The following FIRRM variants were observed in gnomAD, a reference collection of about 807,000 sequenced individuals.
FIRRM encodes the protein FIGNL1-interacting regulator of recombination and mitosis.
At chr1:169,841,725 C>T in the FIRRM span, among the ~76,000 whole-genome samples, 1 of 152,014 alleles carries the variant, frequency 6.6e-6, no homozygotes, top group Non-Finnish European at 1.5e-5. Context: ...AATCTAGTAA[C>T]CTATAAAGAT....
At chr1:169,831,625 GCTTT>G in the FIRRM span, among the ~76,000 whole-genome samples, 1 of 152,070 alleles carries the variant, frequency 6.6e-6, no homozygotes, top group Non-Finnish European at 1.5e-5. Flanking sequence ...TTAAATAAAA[GCTTT>G]CTTAGTGCAT....
At chr1:169,842,374 A>C in the FIRRM span, 1 of 1,592,554 alleles carries the variant, frequency 6.3e-7, no homozygotes, top group African/African-American at 1.4e-5. Flanking sequence ...GGTGCTTTAG[A>C]CTGGTGTTTA....
At chr1:169,842,105 G>A in the FIRRM span, among the ~76,000 whole-genome samples, 1 of 151,528 alleles carries the variant, frequency 6.6e-6, no homozygotes, top group Non-Finnish European at 1.5e-5. Flanking sequence ...GAACCTGGGA[G>A]TTGGAGGTTG....
At chr1:169,810,569 G>A in the FIRRM span, among the ~76,000 whole-genome samples, 1 of 151,894 alleles carries the variant, frequency 6.6e-6, no homozygotes, top group African/African-American at 2.4e-5. Context: ...AAGAACACCA[G>A]TGATAGTGAT....
chr1:169,843,649 T>C, the FIRRM span: 2 of 1,513,316 alleles, frequency 1.3e-6, no homozygotes, highest in Non-Finnish European at 1.8e-6. Context: ...AAAATTTTTC[T>C]TCAAAATTAC....
the FIRRM span, among the ~76,000 whole-genome samples, chr1:169,808,758 C>G: frequency 6.6e-6 from 1 of 152,088 alleles, no homozygotes; most frequent in Non-Finnish European, 1.5e-5. Flanking sequence ...GCGCCTGCCA[C>G]CACGCCTGGC....
At chr1:169,804,214 A>T in the FIRRM span, 1 of 1,567,730 alleles carries the variant, frequency 6.4e-7, no homozygotes. Flanking sequence ...GTAGATGACA[A>T]TGATGATATT....
chr1:169,829,203 A>G, the FIRRM span: 7 of 1,347,030 alleles, frequency 5.2e-6, no homozygotes, highest in Non-Finnish European at 6.9e-6. Context: ...TATTATTATT[A>G]TAATTGCTAA....
chr1:169,817,537 C>T, the FIRRM span, among the ~76,000 whole-genome samples: 1 of 152,076 alleles, frequency 6.6e-6, no homozygotes, highest in Non-Finnish European at 1.5e-5. Context: ...ACAAATATAG[C>T]CCAAAGAAAG....
chr1:169,813,116 G>T, the FIRRM span, among the ~76,000 whole-genome samples: 1 of 152,110 alleles, frequency 6.6e-6, no homozygotes, highest in Admixed American at 6.6e-5. Context: ...TAATTTATTT[G>T]ACTTAATTTT....
the FIRRM span, among the ~76,000 whole-genome samples, chr1:169,844,867 C>CTTTTAAATTGGGGGTTTGCAGA: frequency 6.6e-6 from 1 of 152,086 alleles, no homozygotes; most frequent in African/African-American, 2.4e-5. Flanking sequence ...CCTCAAGATT[C>CTTTTAAATTGGGGGTTTGCAGA]TTTTAAATTG....
At chr1:169,787,442 C>A in the FIRRM span, among the ~76,000 whole-genome samples, 1 of 152,140 alleles carries the variant, frequency 6.6e-6, no homozygotes, top group Non-Finnish European at 1.5e-5. Flanking sequence ...TCTGGCTTGT[C>A]TTCAGCGAGA....
At chr1:169,826,494 C>T in the FIRRM span, among the ~76,000 whole-genome samples, 1 of 151,846 alleles carries the variant, frequency 6.6e-6, no homozygotes, top group African/African-American at 2.4e-5. Flanking sequence ...TCCCGAGTAG[C>T]TGGGATTACA....
the FIRRM span, among the ~76,000 whole-genome samples, chr1:169,801,435 T>C: frequency 2.4e-5 from 3 of 127,098 alleles, no homozygotes; most frequent in South Asian, 2.6e-4. Flanking sequence ...ATAAGAGCGA[T>C]GCTCCGTCTC....
chr1:169,793,500 T>C, the FIRRM span: 1 of 1,614,180 alleles, frequency 6.2e-7, no homozygotes, highest in African/African-American at 1.3e-5. Flanking sequence ...GCATTTTCCA[T>C]TGACTTATGT....
At chr1:169,809,788 C>G in the FIRRM span, among the ~76,000 whole-genome samples, 1 of 152,116 alleles carries the variant, frequency 6.6e-6, no homozygotes, top group East Asian at 1.9e-4. Flanking sequence ...AATCTTAACT[C>G]CAAATTCTGA....
the FIRRM span, chr1:169,850,909 C>T: frequency 7.4e-6 from 1 of 134,786 alleles, no homozygotes; most frequent in African/African-American, 2.9e-5. Context: ...TAATTAAATA[C>T]ACTTGATCAC....
At chr1:169,808,454 G>T in the FIRRM span, among the ~76,000 whole-genome samples, 1 of 151,992 alleles carries the variant, frequency 6.6e-6, no homozygotes, top group African/African-American at 2.4e-5. Flanking sequence ...CTAAAAATTT[G>T]TAGTACGATT....
At chr1:169,809,311 C>A in the FIRRM span, among the ~76,000 whole-genome samples, 6 of 152,108 alleles carry the variant, frequency 3.9e-5, no homozygotes, top group African/African-American at 1.2e-4. Flanking sequence ...TTTCTGATTC[C>A]TCTTACCTTG....
Sources: gnomAD v4.1 joint callset for allele counts (sites outside exome capture counted in the v4.1 genomes callset) on GRCh38, gnomAD v4.1.1 for gene constraint, MANE v1.5 for transcripts, NCBI Gene and HGNC (gene_info 2026-07-23, HGNC 2026-07-21) for gene names.